SPESP1: variants seen among roughly 807,000 people sequenced by gnomAD.
SPESP1 encodes the protein equatorial segment protein.
Under a neutral mutation model 3.1 loss-of-function variants are expected in SPESP1, and 1 was observed. The observed-to-expected ratio is 0.33, with a 90% confidence interval of 0.12 to 1.54. SPESP1 has a LOEUF of 1.54. SPESP1 is among the 40% of genes most tolerant of loss of function. The probability of loss-of-function intolerance (pLI) is 0.38; values close to 1 mark genes in which losing one functional copy is unlikely to be tolerated. For missense variants in SPESP1, 398 were observed against 410.1 expected (o/e 0.97, Z 0.26); for synonymous variants, 138 against 150.7 (o/e 0.92, Z 0.62).
At chr15:68,941,113 C>T (rs1895811704) in intron 1 of SPESP1, among the ~76,000 whole-genome samples, 1 of 151,730 alleles carries the variant, frequency 6.6e-6, no homozygotes, top group South Asian at 2.1e-4. Context: ...CTTTGTTTTC[C>T]TGGCTGTTCT....
intron 1 of SPESP1, among the ~76,000 whole-genome samples, chr15:68,935,874 T>G (rs1895668802): frequency 6.6e-6 from 1 of 152,194 alleles, no homozygotes; most frequent in Non-Finnish European, 1.5e-5. Flanking sequence ...CTACTTTGAG[T>G]TGGAAATACA....
rs1034604891 is a variant in SPESP1, at chr15:68,936,437, G to A, written c.64+5720G>A. Among the ~76,000 whole-genome samples the A allele has an allele frequency of 4.6e-5, 7 of 152,134 alleles. 1 individual carries two copies. In the South Asian group the frequency reaches 6.2e-4, roughly 13 times the overall value. Reference sequence around the variant, plus strand: ...ACATAGATGATCTTGAAGACATTACGCTAAGTATAAGAAGCCACTCACAAA... The same window carrying A: ...ACATAGATGATCTTGAAGACATTACACTAAGTATAAGAAGCCACTCACAAA... On this transcript the variant is annotated intron_variant, in intron 1 of 1. Transcript: ENST00000310673.
intron 1 of SPESP1, among the ~76,000 whole-genome samples, chr15:68,942,439 G>A (rs544250754): frequency 6.6e-6 from 1 of 151,980 alleles, no homozygotes; most frequent in African/African-American, 2.4e-5. Flanking sequence ...TCATCTAATT[G>A]CATTGACTAG....
chr15:68,939,240 A>G (rs1895757147), intron 1 of SPESP1, among the ~76,000 whole-genome samples: 2 of 152,334 alleles, frequency 1.3e-5, no homozygotes, highest in South Asian at 4.1e-4. Flanking sequence ...GCCATGTTCT[A>G]GGACATTGCC....
chr15:68,946,380 G>C lies in SPESP1; in HGVS notation c.846G>C (p.Gln282His). ...AATTAAAAACAATGTATAAGTCCCA[G>C]TTATTGCCAGTAGGACGAACAAGTA... ...EHKLKTMYKS[Q>H]LLPVGRTSNK... Residue 282 changes from glutamine to histidine, a missense_variant, in exon 2 of 2, where the codon CAG (glutamine) becomes CAC (histidine). Gln to His is a conservative substitution (Grantham distance 24). Transcript: ENST00000310673. 1 of 1,614,148 alleles carries C rather than the reference G, an allele frequency of 6.2e-7. No homozygotes were observed. Among genetic ancestry groups the C allele is most frequent in the African/African-American group, 1.3e-5 (1 of 75,040 alleles).
In SPESP1 at chr15:68,946,272, C is replaced by A; in HGVS notation, c.738C>A (p.Ser246Arg). 1 of 1,614,058 alleles carries A rather than the reference C, an allele frequency of 6.2e-7. No homozygotes were observed. Among genetic ancestry groups the A allele is most frequent in the Non-Finnish European group, 8.5e-7 (1 of 1,180,016 alleles). The change falls in exon 2 of 2, where the codon AGC becomes AGA. Residue 246 changes from serine to arginine, a missense_variant. Coordinates refer to ENST00000310673, the MANE Select transcript of SPESP1 (RefSeq NM_145658.4). ...QVQQALLSDT[S>R]NPAYREDIEA... ...AACAGGCACTTCTTAGTGACACCAG[C>A]AACCCAGCATATAGAGAAGATATTG... is the stretch of plus-strand genomic sequence containing the variant.
Position 68,930,646 on chromosome 15 carries a change from C to T in SPESP1, c.-8C>T, listed in dbSNP as rs564480159. The T allele has an allele frequency of 9.3e-6, 15 of 1,613,882 alleles. No homozygotes were observed. The East Asian group carries it at 2.7e-4, about 29-fold the overall frequency. ...CGGTCGCATGGCAGAGTGCTACGGA[C>T]GACGCCTATGAAGCCCTTAGTCCTT... On this transcript the variant is annotated 5_prime_UTR_variant, in exon 1 of 2. The change creates a new upstream start codon in the 5' untranslated region. Coordinates refer to ENST00000310673, the MANE Select transcript of SPESP1 (RefSeq NM_145658.4).
chr15:68,940,400 A>G (rs1895788032), intron 1 of SPESP1, among the ~76,000 whole-genome samples: 2 of 152,192 alleles, frequency 1.3e-5, no homozygotes. Flanking sequence ...ACACAAAACA[A>G]TGTAATTTTT....
rs111627351 is a variant in SPESP1 at position 68,945,857 on chromosome 15, C to T, written c.323C>T (p.Pro108Leu). 23 of 1,613,914 alleles carry T rather than the reference C, an allele frequency of 1.4e-5. No individual in the cohort carries two copies. Among genetic ancestry groups the T allele is most frequent in the Admixed American group, 5.0e-5 (3 of 59,990 alleles). Residue 108 changes from proline (P) to leucine (L), a missense_variant, in exon 2 of 2, where the codon CCG (proline) becomes CTG (leucine). By Grantham distance (98) the Pro-to-Leu change is moderately conservative. Transcript: ENST00000310673. ...TTTFPTGGFTPEIGKKKHTES... is the reference protein window; with the variant it reads ...TTTFPTGGFTLEIGKKKHTES... ...ACTTTCCCTACAGGAGGCTTCACAC[C>T]GGAAATAGGAAAGAAAAAACACACG... is the stretch of plus-strand genomic sequence containing the variant.
At chr15:68,941,398 A>G (rs1024710985) in intron 1 of SPESP1, among the ~76,000 whole-genome samples, 1 of 152,330 alleles carries the variant, frequency 6.6e-6, no homozygotes, top group South Asian at 2.1e-4. Context: ...GCAAAAATTT[A>G]TTCTCACAGT....
intron 1 of SPESP1, 27 bp from the exon 2 acceptor site, chr15:68,945,572 A>AATAT (rs776324735): frequency 6.7e-7 from 1 of 1,499,860 alleles, no homozygotes; most frequent in Non-Finnish European, 8.9e-7. Flanking sequence ...AATGTTACTT[A>AATAT]TTATTTATTT....
chr15:68,934,175 G>T (rs2140418413), intron 1 of SPESP1, among the ~76,000 whole-genome samples: 1 of 152,036 alleles, frequency 6.6e-6, no homozygotes, highest in East Asian at 1.9e-4. Context: ...GAAAAATAGG[G>T]TTAGTCTAGG....
Position 68,945,960 on chromosome 15 carries a change from T to TGAAGAG in SPESP1, c.427_432dup (p.Glu143_Glu144dup). 4.3e-6 allele frequency: 7 copies of TGAAGAG among 1,614,034 alleles called. No individual in the cohort carries two copies. The highest frequency in any genetic ancestry group is 5.9e-6 in the Non-Finnish European group (7 of 1,180,006). ...ATGCAGAGGAACCTTATATTGAAAA[T>TGAAGAG]GAAGAGCCAGAGCCAGAGCCGGAGC... On this transcript the variant is annotated inframe_insertion, in exon 2 of 2. Transcript: ENST00000310673.
At chr15:68,932,810 G>A (rs1385745058) in intron 1 of SPESP1, among the ~76,000 whole-genome samples, 2 of 152,148 alleles carry the variant, frequency 1.3e-5, no homozygotes, top group African/African-American at 4.8e-5. Context: ...TGAATATATA[G>A]ATGTTATAAG....
Position 68,945,909 on chromosome 15 carries a change from A to C in SPESP1, c.375A>C (p.Lys125Asn). The C allele has an allele frequency of 1.2e-6, 2 of 1,614,130 alleles. No individual in the cohort carries two copies. The highest frequency in any genetic ancestry group is 4.5e-5 in the East Asian group (2 of 44,866). Residue 125 changes from lysine (K) to asparagine (N), a missense_variant, in exon 2 of 2, where the codon AAA (lysine) becomes AAC (asparagine). By Grantham distance (94) the Lys-to-Asn change is moderately conservative. Transcript: ENST00000310673. ...HTESTPFWSIKPNNVSIVLHA... is the reference protein window; with the variant it reads ...HTESTPFWSINPNNVSIVLHA... ...AAAGTACCCCATTCTGGTCGATCAA[A>C]CCAAACAATGTTTCCATTGTTTTGC...
chr15:68,943,424 C>T (rs1381054855), intron 1 of SPESP1, among the ~76,000 whole-genome samples: 1 of 152,044 alleles, frequency 6.6e-6, no homozygotes, highest in Non-Finnish European at 1.5e-5. Context: ...AGAATCAAGA[C>T]CTCCAGACGT....
chr15:68,931,311 C>G (rs947481612), intron 1 of SPESP1, among the ~76,000 whole-genome samples: 1 of 150,044 alleles, frequency 6.7e-6, no homozygotes, highest in African/African-American at 2.5e-5. Context: ...GAAATGTACT[C>G]TTTCATGACT....
rs1476843169 is a variant in SPESP1 at position 68,946,661 on chromosome 15, C to T, written c.*74C>T. On this transcript the variant is annotated 3_prime_UTR_variant, in exon 2 of 2. Coordinates refer to ENST00000310673, the MANE Select transcript of SPESP1 (RefSeq NM_145658.4). ...GATTTAAGCAAACTGCATTTTTTCA[C>T]AGGAGAAATAATCATATTCGTAATT... 7.6e-6 allele frequency: 10 copies of T among 1,311,782 alleles called. No individual in the cohort carries two copies. The African/African-American group carries it at 9.1e-5, about 12-fold the overall frequency. The allele number at this position is 1,311,782 out of a possible 1,614,324, so 81.3% of individuals were successfully genotyped here.
chr15:68,931,320 C>T (rs559047166), intron 1 of SPESP1, among the ~76,000 whole-genome samples: 3 of 149,890 alleles, frequency 2.0e-5, no homozygotes, highest in African/African-American at 7.4e-5. Flanking sequence ...TCTTTCATGA[C>T]TTGTGGAAAA....
Sources: allele counts gnomAD v4.1 joint callset (sites outside exome capture counted in the v4.1 genomes callset), GRCh38; gene constraint gnomAD v4.1.1; transcripts MANE v1.5; gene names NCBI Gene and HGNC (gene_info 2026-07-23, HGNC 2026-07-21).